IL10RB: variants seen among roughly 807,000 people sequenced by gnomAD.
IL10RB encodes interleukin 10 receptor subunit beta.
A neutral mutation model predicts 38.7 loss-of-function variants in IL10RB; 30 were observed. That is an observed-to-expected ratio of 0.78 (90% confidence interval 0.58 to 1.05). The LOEUF (loss-of-function observed/expected upper bound fraction) is 1.05. Among genes scored for constraint, IL10RB ranks in the 50% least tolerant of loss-of-function variants. IL10RB has a pLI of 0.00. For synonymous variants in IL10RB, 142 were observed against 145.9 expected, an observed-to-expected ratio of 0.97 and a Z score of 0.19; for missense variants, 328 against 397.1, an observed-to-expected ratio of 0.83 and a Z score of 1.48.
chr21:33,277,861 C>CG (rs1392461298), intron 3 of IL10RB, among the ~76,000 whole-genome samples: 3 of 149,650 alleles, frequency 2.0e-5, no homozygotes, highest in Non-Finnish European at 3.0e-5. Context: ...TTAGTAGAGA[C>CG]GGGGTCTCAC....
At chr21:33,291,020 G>A (rs1989476248) in intron 6 of IL10RB, among the ~76,000 whole-genome samples, 1 of 152,178 alleles carries the variant, frequency 6.6e-6, no homozygotes, top group Non-Finnish European at 1.5e-5. Context: ...ACTTCTGAGG[G>A]TTGCTGGCGA....
chr21:33,266,795 A>T (rs1047178976), intron 1 of IL10RB, among the ~76,000 whole-genome samples: 1 of 152,134 alleles, frequency 6.6e-6, no homozygotes, highest in African/African-American at 2.4e-5. Context: ...GTCCTCCTGC[A>T]GCTCTCTGCT....
At chr21:33,275,527 G>A (rs1401793799) in intron 2 of IL10RB, among the ~76,000 whole-genome samples, 1 of 152,180 alleles carries the variant, frequency 6.6e-6, no homozygotes, top group Non-Finnish European at 1.5e-5. Flanking sequence ...TCTTGCTGTG[G>A]ATTAGACTTT....
chr21:33,268,641 G>T (rs1183432835), intron 2 of IL10RB, 124 bp downstream of exon 2: 5 of 776,036 alleles, frequency 6.4e-6, no homozygotes, highest in Non-Finnish European at 1.2e-5. Flanking sequence ...ACAACCCTCA[G>T]GGAGCCTCCC....
downstream of IL10RB, among the ~76,000 whole-genome samples, chr21:33,299,469 AC>A (rs1301083247): frequency 6.6e-6 from 1 of 151,928 alleles, no homozygotes; most frequent in African/African-American, 2.4e-5. Context: ...AGCCATCCTC[AC>A]CCCCTTCCAC....
Position 33,268,475 on chromosome 21 carries a change from C to CT in IL10RB, c.135dup (p.Ala46CysfsTer15). The CT allele has an allele frequency of 6.2e-7, 1 of 1,614,122 alleles. No homozygotes were observed. The highest frequency in any genetic ancestry group is 8.5e-7 in the Non-Finnish European group (1 of 1,179,928). Reference sequence around the variant, plus strand: ...AACATTCTACAGTGGGAGTCACCTGCTTTTGCCAAAGGGAACCTGACTTTC... The same window carrying CT: ...AACATTCTACAGTGGGAGTCACCTGCTTTTTGCCAAAGGGAACCTGACTTTC... On this transcript the variant is annotated frameshift_variant, in exon 2 of 7. Transcript: ENST00000290200. LOFTEE classifies it high-confidence loss of function.
chr21:33,309,697 G>A (rs908052656), exon 2 of IL10RB: 1 of 152,194 alleles, frequency 6.6e-6, no homozygotes, highest in Admixed American at 6.5e-5. Flanking sequence ...TTGCTTTCGT[G>A]TATTGCTTAT....
intron 1 of IL10RB, among the ~76,000 whole-genome samples, chr21:33,303,455 A>G (rs1039401679): frequency 6.6e-6 from 1 of 150,932 alleles, no homozygotes; most frequent in East Asian, 1.9e-4. Context: ...CCCGGGTTCA[A>G]GCGATTCTCC....
Position 33,266,370 on chromosome 21 carries a change from T to A in IL10RB, c.-96T>A. 3 of 1,408,996 alleles carry A rather than the reference T, an allele frequency of 2.1e-6. No homozygotes were observed. Among genetic ancestry groups the A allele is most frequent in the South Asian group, 1.3e-5 (1 of 79,940 alleles). 87.3% of individuals were successfully genotyped at this position (1,408,996 alleles called of 1,614,324 possible). On this transcript the variant is annotated 5_prime_UTR_variant, in exon 1 of 7. Transcript: ENST00000290200. ...CCCTCCCCACCCCGCCCCGCCCATC[T>A]CCGCTGGTTCCCGGAAGCCGCCGCG...
chr21:33,282,591 T>C (rs1989299680), intron 4 of IL10RB, among the ~76,000 whole-genome samples: 1 of 152,190 alleles, frequency 6.6e-6, no homozygotes, highest in East Asian at 1.9e-4. Context: ...TACTTTTTTC[T>C]TTATTTCTGA....
At chr21:33,280,560 A>G (rs1201487367) in intron 4 of IL10RB, among the ~76,000 whole-genome samples, 1 of 152,230 alleles carries the variant, frequency 6.6e-6, no homozygotes, top group Non-Finnish European at 1.5e-5. Context: ...AATGATGTAT[A>G]TATGGTCAGT....
intron 1 of IL10RB, chr21:33,308,811 G>A (rs2007849): frequency 0.77 from 117,311 of 152,220 alleles, 45,877 homozygotes; most frequent in African/African-American, 0.9. Context: ...CTGGCTCAGC[G>A]ACTGTGAGGG....
intron 2 of IL10RB, among the ~76,000 whole-genome samples, chr21:33,271,155 T>C (rs1330681038): frequency 6.6e-6 from 1 of 152,156 alleles, no homozygotes. Context: ...ACAAAATATG[T>C]GCTGGCCGTG....
chr21:33,291,877 C>T (rs1395606441), intron 6 of IL10RB, among the ~76,000 whole-genome samples: 5 of 152,158 alleles, frequency 3.3e-5, no homozygotes, highest in Non-Finnish European at 4.4e-5. Context: ...GCTACCCAGC[C>T]GTGGGAGTGG....
intron 6 of IL10RB, among the ~76,000 whole-genome samples, chr21:33,293,836 G>A (rs1015727890): frequency 6.6e-6 from 1 of 151,244 alleles, no homozygotes; most frequent in Non-Finnish European, 1.5e-5. Flanking sequence ...CAAGGAGACT[G>A]CAGCACCAGC....
At chr21:33,271,279 C>T (rs1033824134) in intron 2 of IL10RB, among the ~76,000 whole-genome samples, 5 of 152,080 alleles carry the variant, frequency 3.3e-5, no homozygotes, top group African/African-American at 1.2e-4. Flanking sequence ...CTGTTGTTTG[C>T]GTGCATTGGG....
chr21:33,271,029 T>G (rs1289886879), intron 2 of IL10RB, among the ~76,000 whole-genome samples: 1 of 152,208 alleles, frequency 6.6e-6, no homozygotes, highest in Non-Finnish European at 1.5e-5. Context: ...CATGTTTATC[T>G]TTTATGTTAG....
intron 6 of IL10RB, among the ~76,000 whole-genome samples, chr21:33,293,512 G>A (rs931310610): frequency 3.9e-5 from 6 of 152,130 alleles, no homozygotes; most frequent in African/African-American, 1.2e-4. Flanking sequence ...GTTTCAGAGC[G>A]ACTAGAACCC....
At chr21:33,305,265 C>T (rs538911683) in intron 1 of IL10RB, among the ~76,000 whole-genome samples, 282 of 152,210 alleles carry the variant, frequency 1.9e-3, no homozygotes, top group Middle Eastern at 3.4e-3. Flanking sequence ...CGCACCACCA[C>T]GACAGGCTAA....
Sources: gnomAD v4.1 joint callset for allele counts (sites outside exome capture counted in the v4.1 genomes callset) on GRCh38, gnomAD v4.1.1 for gene constraint, MANE v1.5 for transcripts, NCBI Gene and HGNC (gene_info 2026-07-23, HGNC 2026-07-21) for gene names.